Variants in GLMN observed in about 807,000 individuals in gnomAD.
GLMN encodes the protein glomulin.
GLMN carries 75 observed loss-of-function variants against 87.8 expected under a neutral mutation model. The ratio of observed to expected loss-of-function variants is 0.85; its 90% CI spans 0.71 to 1.04. The LOEUF (loss-of-function observed/expected upper bound fraction) is 1.04, where lower values mean the gene tolerates loss of function less well. Among genes scored for constraint, GLMN ranks in the 50% least tolerant of loss-of-function variants. The probability of loss-of-function intolerance (pLI) is 0.00; values close to 1 mark genes in which losing one functional copy is unlikely to be tolerated. For synonymous variants in GLMN, 206 were observed against 221.6 expected, an observed-to-expected ratio of 0.93 and a Z score of 0.63; for missense variants, 588 against 658.8, an observed-to-expected ratio of 0.89 and a Z score of 1.18.
At chr1:92,316,331 T>A in the GLMN span, among the ~76,000 whole-genome samples, 2 of 152,154 alleles carry the variant, frequency 1.3e-5, no homozygotes, top group Non-Finnish European at 2.9e-5. Flanking sequence ...TGTTGCTTGG[T>A]ATGCAGAATA....
the GLMN span, among the ~76,000 whole-genome samples, chr1:92,347,499 C>T: frequency 6.6e-6 from 1 of 152,150 alleles, no homozygotes; most frequent in Admixed American, 6.5e-5. Context: ...GCTTTCTAAG[C>T]CACTTACTGA....
chr1:92,286,441 T>C (rs765543024), intron 7 of GLMN, 49 bp downstream of exon 7: 6 of 891,092 alleles, frequency 6.7e-6, no homozygotes, highest in Middle Eastern at 2.3e-4. Flanking sequence ...ACTGAGAATA[T>C]AGTGGGATAA....
Position 92,263,606 on chromosome 1 carries a change from G to T in GLMN, c.1409+17C>A, listed in dbSNP as rs1463988481. ...ATTCTGAATTTACTATGTGAACTTTGGTAATGGTCACCTCACCTATCTGAG... is the reference window on the plus strand; with the variant it reads ...ATTCTGAATTTACTATGTGAACTTTTGTAATGGTCACCTCACCTATCTGAG... On this transcript the variant is annotated intron_variant, in intron 15 of 18. Transcript: ENST00000370360. The T allele has an allele frequency of 6.9e-6, 7 of 1,017,748 alleles. No homozygotes were observed. The highest frequency in any genetic ancestry group is 6.3e-5 in the African/African-American group (4 of 63,526). The allele number at this position is 1,017,748 out of a possible 1,614,324, so 63.0% of individuals were successfully genotyped here. A position where few individuals can be genotyped will look rare whatever the true frequency, so the allele number is the denominator to read the frequency against.
rs754381847 is a variant in GLMN at position 92,246,560 on chromosome 1, A to G, written c.1755T>C (p.Ser585=). ...TTATCCCAATATTTTCTTCAGAGGT[A>G]GACTTTGTTTTTATTTCAATGAGTT... ...VEELIEIKTK[S]TSEENIGIK is the part of the protein sequence containing the mutation. The change falls in exon 19 of 19, where the codon TCT becomes TCC. Residue 585 remains serine, a synonymous_variant. Transcript: ENST00000370360. The G allele has an allele frequency of 6.6e-7, 1 of 1,515,906 alleles. No individual in the cohort carries two copies. The highest frequency in any genetic ancestry group is 2.3e-5 in the East Asian group (1 of 44,414). The allele number at this position is 1,515,906 out of a possible 1,614,324, so 93.9% of individuals were successfully genotyped here.
intron 16 of GLMN, among the ~76,000 whole-genome samples, chr1:92,251,695 A>C (rs1653519644): frequency 6.6e-6 from 1 of 152,206 alleles, no homozygotes; most frequent in African/African-American, 2.4e-5. Flanking sequence ...TATCCATGAA[A>C]AACTTTCCTC....
At chr1:92,289,289 T>C (rs1649130327) in intron 5 of GLMN, 138 bp from the exon 6 acceptor site, 7 of 724,726 alleles carry the variant, frequency 9.7e-6, no homozygotes, top group East Asian at 5.0e-5. Flanking sequence ...CACAGTCTAA[T>C]TGGCAGTGTT....
the GLMN span, among the ~76,000 whole-genome samples, chr1:92,324,811 A>T: frequency 1.3e-5 from 2 of 152,190 alleles, no homozygotes; most frequent in Non-Finnish European, 2.9e-5. Context: ...AAGCATGTCC[A>T]TTGAAAACAT....
At chr1:92,297,711 G>A in intron 2 of GLMN, 182 bp from the exon 3 acceptor site, 1 of 647,292 alleles carries the variant, frequency 1.5e-6, no homozygotes, top group Admixed American at 2.9e-5. Context: ...TTTAATAAGT[G>A]ACCTTGAAAT....
At chr1:92,326,216 T>C in the GLMN span, among the ~76,000 whole-genome samples, 25 of 152,304 alleles carry the variant, frequency 1.6e-4, no homozygotes, top group South Asian at 5.0e-3. Context: ...GCCATTCTGG[T>C]AGTATTGGTT....
upstream of GLMN, among the ~76,000 whole-genome samples, chr1:92,302,753 T>C (rs1650953450): frequency 1.3e-5 from 2 of 151,674 alleles, no homozygotes; most frequent in African/African-American, 4.8e-5. Context: ...GCGCCCACCA[T>C]TACGCCCGGC....
the GLMN span, among the ~76,000 whole-genome samples, chr1:92,335,179 T>G: frequency 6.6e-6 from 1 of 151,904 alleles, no homozygotes; most frequent in East Asian, 1.9e-4. Context: ...TTCCCTTTTC[T>G]CCACATTTCT....
At chr1:92,320,135 T>C in the GLMN span, among the ~76,000 whole-genome samples, 151 of 152,334 alleles carry the variant, frequency 9.9e-4, 1 homozygote, top group Non-Finnish European at 1.8e-3. Flanking sequence ...GGATTTACTT[T>C]AGTCCAAGTT....
intron 11 of GLMN, among the ~76,000 whole-genome samples, chr1:92,267,463 G>T (rs150443055): frequency 2.6e-5 from 4 of 152,226 alleles, no homozygotes; most frequent in African/African-American, 4.8e-5. Flanking sequence ...CAGCACTTTG[G>T]GGGGCTGAGG....
At chr1:92,357,561 A>C in the GLMN span, among the ~76,000 whole-genome samples, 1 of 152,258 alleles carries the variant, frequency 6.6e-6, no homozygotes, top group East Asian at 1.9e-4. Flanking sequence ...TTTCAGACAC[A>C]GTCTCTGTTG....
chr1:92,360,237 C>T, the GLMN span, among the ~76,000 whole-genome samples: 1 of 152,172 alleles, frequency 6.6e-6, no homozygotes, highest in Admixed American at 6.5e-5. Flanking sequence ...GAAGTAGTTG[C>T]TGTCTGCTAA....
chr1:92,252,734 T>C (rs959613414), intron 16 of GLMN, among the ~76,000 whole-genome samples: 14 of 151,704 alleles, frequency 9.2e-5, no homozygotes, highest in Admixed American at 4.6e-4. Flanking sequence ...ACAAAGAAAA[T>C]CACATTTTAA....
chr1:92,264,119 G>A (rs189613881), intron 14 of GLMN, among the ~76,000 whole-genome samples: 12 of 152,062 alleles, frequency 7.9e-5, no homozygotes, highest in Admixed American at 7.2e-4. Flanking sequence ...AGTTCAAGAC[G>A]AGCCTGGGCA....
the GLMN span, among the ~76,000 whole-genome samples, chr1:92,356,773 A>G: frequency 6.6e-6 from 1 of 151,314 alleles, no homozygotes; most frequent in Non-Finnish European, 1.5e-5. Context: ...TTGTCTCATT[A>G]AAAAATGGGC....
intron 16 of GLMN, chr1:92,248,340 C>G (rs1652969775): frequency 5.1e-6 from 1 of 196,550 alleles, no homozygotes; most frequent in African/African-American, 2.4e-5. Flanking sequence ...TGCCTTCATC[C>G]CAAGTATGGC....
Sources: allele counts gnomAD v4.1 joint callset (sites outside exome capture counted in the v4.1 genomes callset), GRCh38; gene constraint gnomAD v4.1.1; transcripts MANE v1.5; gene names NCBI Gene and HGNC (gene_info 2026-07-23, HGNC 2026-07-21).